Variants in FSD1L observed in about 807,000 individuals in gnomAD.
The protein encoded by FSD1L is fibronectin type III and SPRY domain containing 1 like.
A neutral mutation model predicts 71.6 loss-of-function variants in FSD1L; 45 were observed. That is an observed-to-expected ratio of 0.63 (90% CI 0.49 to 0.81). The LOEUF is 0.81. Ranked by LOEUF, FSD1L falls within the 30% of genes least tolerant of loss-of-function variation. FSD1L has a pLI of 0.00. For missense variants in FSD1L, 561 were observed against 618.1 expected (o/e 0.91, Z 0.98); for synonymous variants, 197 against 207.2 (o/e 0.95, Z 0.42).
At chr9:105,501,503 AGC>A (rs1203932835) in intron 7 of FSD1L, among the ~76,000 whole-genome samples, 12 of 152,206 alleles carry the variant, frequency 7.9e-5, no homozygotes, top group African/African-American at 2.9e-4. Flanking sequence ...AGTTCACTGT[AGC>A]CTCTAACTCC....
chr9:105,462,025 T>TA (rs986411056), intron 2 of FSD1L, among the ~76,000 whole-genome samples: 3 of 151,956 alleles, frequency 2.0e-5, no homozygotes, highest in African/African-American at 4.8e-5. Context: ...GGCAATAAGT[T>TA]ACAGCTATCT....
intron 7 of FSD1L, among the ~76,000 whole-genome samples, chr9:105,502,257 G>A (rs1369230880): frequency 6.6e-6 from 1 of 152,070 alleles, no homozygotes; most frequent in African/African-American, 2.4e-5. Flanking sequence ...GTAATGGTAA[G>A]GATTAATATG....
chr9:105,497,615 C>T (rs536396602), intron 7 of FSD1L, among the ~76,000 whole-genome samples: 24 of 152,210 alleles, frequency 1.6e-4, no homozygotes, highest in African/African-American at 4.3e-4. Flanking sequence ...AGAATTGGTC[C>T]TTTTGGGTTA....
chr9:105,468,507 AT>A (rs368002893), intron 4 of FSD1L, among the ~76,000 whole-genome samples, 183 bp downstream of exon 4: 2,437 of 141,566 alleles, frequency 0.017, 18 homozygotes, highest in African/African-American at 0.026. Flanking sequence ...TCTCTTAACC[AT>A]TTTTTTTTTT....
Position 105,543,391 on chromosome 9 carries a change from T to C in FSD1L, c.1468-2967T>C, listed in dbSNP as rs186241802. On this transcript the variant is annotated intron_variant, in intron 13 of 13. Coordinates refer to ENST00000481272, the MANE Select transcript of FSD1L (RefSeq NM_001145313.3). ...TCTTATGTCTCACTTTATTGAATTA[T>C]AGCTGCTCTGTTCACAAGCAGTTTT... Among the ~76,000 whole-genome samples the C allele has an allele frequency of 2.0e-5, 3 of 152,360 alleles. No homozygotes were observed. In the East Asian group the frequency reaches 5.8e-4, roughly 29 times the overall value.
At chr9:105,526,294 G>A in intron 10 of FSD1L, 4 of 1,607,920 alleles carry the variant, frequency 2.5e-6, no homozygotes, top group Non-Finnish European at 3.4e-6. Flanking sequence ...AACATTTGAA[G>A]ATTTTGCAGC....
intron 1 of FSD1L, among the ~76,000 whole-genome samples, chr9:105,459,583 G>A (rs1265489457): frequency 3.9e-5 from 6 of 152,186 alleles, no homozygotes; most frequent in African/African-American, 1.4e-4. Context: ...GGAACTTTGC[G>A]AATATTTCCT....
At chr9:105,546,147 T>C (rs961575528) in intron 13 of FSD1L, among the ~76,000 whole-genome samples, 2 of 152,108 alleles carry the variant, frequency 1.3e-5, no homozygotes, top group Non-Finnish European at 2.9e-5. Context: ...CAGTTGGTTC[T>C]GCTACCACCA....
intron 6 of FSD1L, among the ~76,000 whole-genome samples, chr9:105,483,374 G>T (rs1832335078): frequency 6.6e-6 from 1 of 152,118 alleles, no homozygotes; most frequent in Non-Finnish European, 1.5e-5. Context: ...AGATCCAATT[G>T]ATTTGGCAGA....
At chr9:105,542,707 T>C (rs1836708357) in intron 13 of FSD1L, among the ~76,000 whole-genome samples, 1 of 152,204 alleles carries the variant, frequency 6.6e-6, no homozygotes, top group African/African-American at 2.4e-5. Flanking sequence ...CCACCAGCCT[T>C]GGCCCCCCAA....
chr9:105,447,678 C>G (rs1189295219), upstream of FSD1L: 2 of 167,958 alleles, frequency 1.2e-5, no homozygotes, highest in Non-Finnish European at 2.5e-5. Flanking sequence ...CCCTTTTCCT[C>G]CCTTTGGACC....
rs762074272 is a variant in FSD1L, at chr9:105,513,646, C to A, written c.1025+710C>A. The A allele has an allele frequency of 2.0e-6, 3 of 1,523,830 alleles. No homozygotes were observed. The South Asian group carries it at 3.6e-5, about 18-fold the overall frequency. The allele number at this position is 1,523,830 out of a possible 1,614,324, so 94.4% of individuals were successfully genotyped here. A position where few individuals can be genotyped will look rare whatever the true frequency, so the allele number is the denominator to read the frequency against. On this transcript the variant is annotated intron_variant, in intron 10 of 13. Coordinates refer to ENST00000481272, the MANE Select transcript of FSD1L (RefSeq NM_001145313.3). ...AAACATACAAGGTGATGATCTATGT[C>A]TGTCTAGTTCTAGGACTTAGTAAAA...
chr9:105,508,808 G>C, intron 9 of FSD1L, 93 bp downstream of exon 9: 1 of 696,356 alleles, frequency 1.4e-6, no homozygotes, highest in Non-Finnish European at 2.4e-6. Flanking sequence ...ATGTGATGTT[G>C]AATTACTTCT....
chr9:105,482,263 G>A (rs915034194), intron 6 of FSD1L, among the ~76,000 whole-genome samples: 2 of 152,144 alleles, frequency 1.3e-5, no homozygotes, highest in South Asian at 4.1e-4. Flanking sequence ...TAAGATAATA[G>A]CACATCTCTA....
intron 12 of FSD1L, among the ~76,000 whole-genome samples, chr9:105,538,372 T>C (rs561644304): frequency 1.3e-5 from 2 of 151,494 alleles, no homozygotes; most frequent in East Asian, 3.9e-4. Flanking sequence ...ATCTTCCTCT[T>C]TGGTGGCAGT....
intron 1 of FSD1L, among the ~76,000 whole-genome samples, chr9:105,449,621 A>C (rs1829864338): frequency 6.6e-6 from 1 of 152,270 alleles, no homozygotes; most frequent in Non-Finnish European, 1.5e-5. Flanking sequence ...TTATAGTGTC[A>C]TAGTAAAAAT....
intron 10 of FSD1L, chr9:105,524,338 T>C: frequency 6.2e-7 from 1 of 1,613,834 alleles, no homozygotes; most frequent in South Asian, 1.1e-5. Context: ...TTGAAAATTA[T>C]TCAGATCCTA....
chr9:105,544,798 G>A (rs1416752278), intron 13 of FSD1L, among the ~76,000 whole-genome samples: 1 of 152,048 alleles, frequency 6.6e-6, no homozygotes, highest in East Asian at 1.9e-4. Context: ...CTCTGTTTTG[G>A]TACCAGTACC....
At chr9:105,461,476 T>G (rs1473748499) in intron 1 of FSD1L, 44 bp from the exon 2 acceptor site, 8 of 943,626 alleles carry the variant, frequency 8.5e-6, no homozygotes, top group Non-Finnish European at 1.1e-5. Flanking sequence ...CTTTACTTTT[T>G]TGATGTGGCT....
Sources: allele counts gnomAD v4.1 joint callset (sites outside exome capture counted in the v4.1 genomes callset), GRCh38; gene constraint gnomAD v4.1.1; transcripts MANE v1.5; gene names NCBI Gene and HGNC (gene_info 2026-07-23, HGNC 2026-07-21).